Variants in PRKCA observed in about 807,000 individuals in gnomAD.
The protein encoded by PRKCA is protein kinase C alpha type.
In PRKCA, 27 loss-of-function variants were observed where a neutral mutation model predicts 87.0. The ratio of observed to expected loss-of-function variants is 0.31; its 90% CI spans 0.23 to 0.43. PRKCA has a LOEUF of 0.43. Among genes scored for constraint, PRKCA ranks in the 20% least tolerant of loss-of-function variants. PRKCA has a pLI of 1.00. For synonymous variants in PRKCA, 329 were observed against 311.1 expected (o/e 1.06, Z -0.61); for missense variants, 518 against 852.3 (o/e 0.61, Z 4.88).
At chr17:66,698,043 A>G (rs549659204) in intron 8 of PRKCA, among the ~76,000 whole-genome samples, 1 of 152,346 alleles carries the variant, frequency 6.6e-6, no homozygotes, top group East Asian at 1.9e-4. Context: ...AGGTGCATCC[A>G]TAGAAAAGGA....
Position 66,312,732 on chromosome 17 carries a change from C to CTTTTTT in PRKCA, c.205+6620_205+6625dup, listed in dbSNP as rs536411779. Among the ~76,000 whole-genome samples the CTTTTTT allele has an allele frequency of 2.7e-4, 29 of 106,352 alleles. 1 individual carries two copies. Among genetic ancestry groups the CTTTTTT allele is most frequent in the Admixed American group, 4.5e-4 (4 of 8,956 alleles). 69.8% of individuals were successfully genotyped at this position (106,352 alleles called of 152,430 possible). ...CTACATGTTCTTCCTATCGTAGGAC[C>CTTTTTT]TTTTTTTTTTTTTTTTTTTTGTGAG... On this transcript the variant is annotated intron_variant, in intron 2 of 16. Transcript: ENST00000413366.
chr17:66,409,492 C>G (rs1466097095), intron 2 of PRKCA, among the ~76,000 whole-genome samples: 3 of 152,158 alleles, frequency 2.0e-5, no homozygotes, highest in Non-Finnish European at 2.9e-5. Context: ...CCTGATAGCT[C>G]TGTACAATAT....
intron 2 of PRKCA, among the ~76,000 whole-genome samples, chr17:66,408,502 A>G (rs79881458): frequency 1.3e-5 from 2 of 152,376 alleles, no homozygotes; most frequent in East Asian, 3.9e-4. Flanking sequence ...CAGCTTGGGC[A>G]TTAAAGCACC....
At chr17:66,303,094 C>A in intron 1 of PRKCA, 70 bp downstream of exon 1, 1 of 1,563,288 alleles carries the variant, frequency 6.4e-7, no homozygotes, top group Admixed American at 1.8e-5. Context: ...GGCGCTCCGG[C>A]GCGTCCGCCC....
chr17:66,747,061 A>G (rs1974307122), intron 13 of PRKCA, among the ~76,000 whole-genome samples: 1 of 152,030 alleles, frequency 6.6e-6, no homozygotes, highest in South Asian at 2.1e-4. Flanking sequence ...TATTTTATAT[A>G]ATTTTGTTCT....
chr17:66,330,104 ATT>A (rs5821530), intron 2 of PRKCA, among the ~76,000 whole-genome samples: 53,202 of 140,190 alleles, frequency 0.38, 9,907 homozygotes, highest in Middle Eastern at 0.55. Flanking sequence ...ATTTTCCTGG[ATT>A]TTTTTTTTTT....
chr17:66,544,139 G>A (rs755737479), intron 3 of PRKCA, among the ~76,000 whole-genome samples: 42 of 152,050 alleles, frequency 2.8e-4, no homozygotes, highest in Non-Finnish European at 4.9e-4. Flanking sequence ...CAGGAGAATC[G>A]CTGGAACCCG....
At chr17:66,782,758 C>G (rs1975271855) in intron 14 of PRKCA, among the ~76,000 whole-genome samples, 1 of 152,222 alleles carries the variant, frequency 6.6e-6, no homozygotes, top group South Asian at 2.1e-4. Flanking sequence ...GGGGCTGTAG[C>G]CGAGTACCCT....
intron 3 of PRKCA, among the ~76,000 whole-genome samples, chr17:66,617,793 C>T (rs1016433936): frequency 6.6e-6 from 1 of 152,146 alleles, no homozygotes; most frequent in African/African-American, 2.4e-5. Context: ...ACTTATATGA[C>T]TATCTAGTAG....
intron 3 of PRKCA, among the ~76,000 whole-genome samples, chr17:66,564,024 T>TCCTTCCTCTCTC (rs1968809021): frequency 2.2e-5 from 3 of 135,224 alleles, no homozygotes; most frequent in Non-Finnish European, 5.2e-5. Context: ...CTCTCTCTCT[T>TCCTTCCTCTCTC]TCTTTCTTCC....
chr17:66,665,809 A>G (rs759520498), intron 5 of PRKCA, among the ~76,000 whole-genome samples: 3 of 152,338 alleles, frequency 2.0e-5, no homozygotes, highest in East Asian at 1.9e-4. Context: ...ACAAGTGTCT[A>G]TATGTTTGGG....
At chr17:66,775,585 C>G in intron 14 of PRKCA, 2 of 985,422 alleles carry the variant, frequency 2.0e-6, no homozygotes, top group Non-Finnish European at 2.4e-6. Context: ...CACTCACATG[C>G]TAGTGCCAAG....
intron 2 of PRKCA, among the ~76,000 whole-genome samples, chr17:66,452,651 G>A (rs1021905926): frequency 2.0e-5 from 3 of 152,164 alleles, no homozygotes; most frequent in African/African-American, 7.2e-5. Context: ...AAACCCACCA[G>A]TGGGTTCCAG....
chr17:66,787,273 T>A, intron 15 of PRKCA: 1 of 497,294 alleles, frequency 2.0e-6, no homozygotes, highest in Non-Finnish European at 4.0e-6. Flanking sequence ...CCTTTCATAT[T>A]GCTATGCAGT....
chr17:66,661,275 G>A (rs1195369040), intron 5 of PRKCA, among the ~76,000 whole-genome samples: 1 of 151,406 alleles, frequency 6.6e-6, no homozygotes, highest in East Asian at 1.9e-4. Context: ...CTGGACCAAT[G>A]GACTGTGACT....
chr17:66,642,235 T>G (rs1302689254), intron 4 of PRKCA, among the ~76,000 whole-genome samples: 1 of 151,996 alleles, frequency 6.6e-6, no homozygotes, highest in African/African-American at 2.4e-5. Context: ...GTTCACACCA[T>G]TCTCTTGCCT....
chr17:66,357,773 G>A (rs1054457147), intron 2 of PRKCA, among the ~76,000 whole-genome samples: 2 of 152,164 alleles, frequency 1.3e-5, no homozygotes, highest in African/African-American at 4.8e-5. Flanking sequence ...AGTAAGTAAT[G>A]TGATTTAAGT....
chr17:66,433,389 G>A lies in PRKCA; in HGVS notation c.206-62812G>A, dbSNP rs908556959. Among the ~76,000 whole-genome samples, 6 of 152,304 alleles carry A rather than the reference G, an allele frequency of 3.9e-5. No individual in the cohort carries two copies. The South Asian group carries it at 1.2e-3, about 32-fold the overall frequency. On this transcript the variant is annotated intron_variant, in intron 2 of 16. Transcript: ENST00000413366. ...GTCAAGAGCAGCCTCTCTCCCTGCT[G>A]AGCTATTGCAGATCCCTCCCACTTC...
intron 5 of PRKCA, among the ~76,000 whole-genome samples, chr17:66,672,424 A>C (rs1023491498): frequency 6.6e-6 from 1 of 152,218 alleles, no homozygotes; most frequent in South Asian, 2.1e-4. Context: ...ACTTCTTGAT[A>C]TGGTTTTGGT....
Sources: gnomAD v4.1 joint callset for allele counts (sites outside exome capture counted in the v4.1 genomes callset) on GRCh38, gnomAD v4.1.1 for gene constraint, MANE v1.5 for transcripts, NCBI Gene and HGNC (gene_info 2026-07-23, HGNC 2026-07-21) for gene names.